ARFIP1: variants seen among roughly 807,000 people sequenced by gnomAD.
ARFIP1 encodes arfaptin-1.
Under a neutral mutation model 42.5 loss-of-function variants are expected in ARFIP1, and 24 were observed. That is an observed-to-expected ratio of 0.57 (90% confidence interval 0.41 to 0.80). The LOEUF (loss-of-function observed/expected upper bound fraction) is 0.80. ARFIP1 is among the 30% of genes least tolerant of loss of function. The probability of loss-of-function intolerance (pLI) is 0.00; values close to 1 mark genes in which losing one functional copy is unlikely to be tolerated. For synonymous variants in ARFIP1, 141 were observed against 153.7 expected (o/e 0.92, Z 0.61); for missense variants, 354 against 434.0 (o/e 0.82, Z 1.64).
intron 2 of ARFIP1, among the ~76,000 whole-genome samples, chr4:152,836,941 C>T (rs535188428): frequency 6.6e-6 from 1 of 151,692 alleles, no homozygotes; most frequent in Non-Finnish European, 1.5e-5. Context: ...TCCCACTCTT[C>T]CCCCCAAACC....
chr4:152,853,859 T>C (rs1437500902), intron 2 of ARFIP1, among the ~76,000 whole-genome samples: 1 of 151,934 alleles, frequency 6.6e-6, no homozygotes, highest in Non-Finnish European at 1.5e-5. Flanking sequence ...CTTTATTTTT[T>C]TCTGATTGGG....
intron 1 of ARFIP1, among the ~76,000 whole-genome samples, chr4:152,806,097 A>AT (rs981424560): frequency 1.8e-4 from 27 of 151,914 alleles, no homozygotes; most frequent in African/African-American, 6.3e-4. Context: ...GAACAGAAGA[A>AT]TTTTTTTTCT....
intron 2 of ARFIP1, among the ~76,000 whole-genome samples, chr4:152,863,075 T>C (rs963493955): frequency 5.7e-4 from 87 of 152,296 alleles, no homozygotes; most frequent in African/African-American, 2.1e-3. Flanking sequence ...TAATTTGCAG[T>C]TAGGTTAACT....
At chr4:152,899,901 A>G (rs912348240) in intron 8 of ARFIP1, among the ~76,000 whole-genome samples, 1 of 152,192 alleles carries the variant, frequency 6.6e-6, no homozygotes, top group African/African-American at 2.4e-5. Flanking sequence ...GCTGGGGTTC[A>G]GAGAGGTTGA....
rs1429016928 is a variant in ARFIP1 at position 152,911,216 on chromosome 4, C to G, written c.*997C>G. 1.3e-5 allele frequency: 2 copies of G among 152,612 alleles called. No individual in the cohort carries two copies. The highest frequency in any genetic ancestry group is 2.9e-5 in the Non-Finnish European group (2 of 68,026). The allele number at this position is 152,612 out of a possible 1,614,324, so 9.5% of individuals were successfully genotyped here. On this transcript the variant is annotated 3_prime_UTR_variant, in exon 9 of 9. Coordinates refer to ENST00000353617, the MANE Select transcript of ARFIP1 (RefSeq NM_001025595.3). ...TTGGATAATGTTTGATGTGTCTATT[C>G]CTTCCATGGAATGGAGCACTATGTA...
At chr4:152,783,818 A>T (rs112097777) in intron 1 of ARFIP1, among the ~76,000 whole-genome samples, 2,418 of 152,100 alleles carry the variant, frequency 0.016, 62 homozygotes, top group African/African-American at 0.055. Flanking sequence ...TCCTATGGGG[A>T]TGGATATAAG....
chr4:152,859,252 G>A (rs1409271458), intron 2 of ARFIP1, among the ~76,000 whole-genome samples: 1 of 152,018 alleles, frequency 6.6e-6, no homozygotes, highest in Admixed American at 6.5e-5. Flanking sequence ...TTTAGAGTTG[G>A]GGTTTTGCCA....
At chr4:152,796,805 G>A (rs1731496952) in intron 1 of ARFIP1, 1 of 660,644 alleles carries the variant, frequency 1.5e-6, no homozygotes, top group Admixed American at 2.4e-5. Flanking sequence ...AGCATTTATG[G>A]TGTAATTCAA....
At chr4:152,885,511 C>T (rs184045981) in intron 7 of ARFIP1, among the ~76,000 whole-genome samples, 84 of 151,984 alleles carry the variant, frequency 5.5e-4, no homozygotes, top group Non-Finnish European at 1.1e-3. Context: ...TTGATACGGA[C>T]TCAGTTCAGA....
At chr4:152,900,227 C>T (rs915312729) in intron 8 of ARFIP1, among the ~76,000 whole-genome samples, 4 of 151,900 alleles carry the variant, frequency 2.6e-5, no homozygotes, top group South Asian at 2.1e-4. Context: ...ACAAAAAAGG[C>T]GAAAGACTTT....
chr4:152,864,682 A>G (rs922799683), intron 3 of ARFIP1, among the ~76,000 whole-genome samples: 5 of 152,230 alleles, frequency 3.3e-5, no homozygotes, highest in Non-Finnish European at 7.4e-5. Context: ...GGTAAGCAGC[A>G]TAAGCCACAT....
chr4:152,829,844 G>A (rs1240904243), intron 2 of ARFIP1, 118 bp downstream of exon 2: 2 of 764,624 alleles, frequency 2.6e-6, no homozygotes, highest in Non-Finnish European at 4.0e-6. Context: ...CTTCAGTCAG[G>A]AATCTAATGT....
intron 8 of ARFIP1, among the ~76,000 whole-genome samples, chr4:152,900,010 T>A (rs1363131448): frequency 4.6e-5 from 7 of 152,112 alleles, no homozygotes; most frequent in African/African-American, 1.7e-4. Context: ...AATGCTGTAA[T>A]GCTGCCCAAG....
chr4:152,887,380 C>T (rs138650358), intron 7 of ARFIP1, among the ~76,000 whole-genome samples: 1 of 151,914 alleles, frequency 6.6e-6, no homozygotes. Flanking sequence ...ACTGATGTTA[C>T]AGAAATTCAT....
At chr4:152,908,640 A>T (rs779864996) in intron 8 of ARFIP1, among the ~76,000 whole-genome samples, 3 of 152,186 alleles carry the variant, frequency 2.0e-5, no homozygotes, top group Non-Finnish European at 4.4e-5. Context: ...CTAAATTTTA[A>T]TGCAGTTTAA....
intron 1 of ARFIP1, among the ~76,000 whole-genome samples, chr4:152,791,669 T>C (rs1731151251): frequency 6.6e-6 from 1 of 152,144 alleles, no homozygotes; most frequent in African/African-American, 2.4e-5. Context: ...TGTTATAGTT[T>C]ATAAAAGATA....
chr4:152,905,768 G>A (rs1169594092), intron 8 of ARFIP1, among the ~76,000 whole-genome samples: 1 of 151,754 alleles, frequency 6.6e-6, no homozygotes, highest in Non-Finnish European at 1.5e-5. Context: ...GGCCAGGCTG[G>A]TCTTCAACTC....
At chr4:152,900,327 T>A (rs1296819179) in intron 8 of ARFIP1, among the ~76,000 whole-genome samples, 1 of 152,240 alleles carries the variant, frequency 6.6e-6, no homozygotes, top group Non-Finnish European at 1.5e-5. Context: ...CACAGTTCTG[T>A]GACCTGCTGT....
chr4:152,836,922 T>C (rs1469508041), intron 2 of ARFIP1, among the ~76,000 whole-genome samples: 1 of 152,062 alleles, frequency 6.6e-6, no homozygotes, highest in African/African-American at 2.4e-5. Context: ...ATTTTATCCC[T>C]TGTCCCCCTC....
Sources: allele counts gnomAD v4.1 joint callset (sites outside exome capture counted in the v4.1 genomes callset), GRCh38; gene constraint gnomAD v4.1.1; transcripts MANE v1.5; gene names NCBI Gene and HGNC (gene_info 2026-07-23, HGNC 2026-07-21).